PLB1: variants seen among roughly 807,000 people sequenced by gnomAD.
PLB1 encodes phospholipase B1, membrane-associated.
PLB1 carries 242 observed loss-of-function variants against 227.4 expected under a neutral mutation model. The observed-to-expected ratio is 1.06, with a 90% CI of 0.96 to 1.18. PLB1 has a LOEUF of 1.18. PLB1 is among the 50% of genes most tolerant of loss of function. The probability of loss-of-function intolerance (pLI) is 0.00; values close to 1 mark genes in which losing one functional copy is unlikely to be tolerated. For synonymous variants in PLB1, 757 were observed against 682.2 expected (o/e 1.11, Z -1.71); for missense variants, 1,858 against 1,816.3 (o/e 1.02, Z -0.42).
At chr2:28,590,175 C>A in intron 29 of PLB1, 99 bp downstream of exon 29, 2 of 1,051,740 alleles carry the variant, frequency 1.9e-6, no homozygotes, top group South Asian at 1.3e-5. Flanking sequence ...TGCCTGCCCA[C>A]CCACCCCATT....
intron 25 of PLB1, among the ~76,000 whole-genome samples, chr2:28,583,717 T>G (rs944858504): frequency 6.6e-6 from 1 of 152,054 alleles, no homozygotes; most frequent in Non-Finnish European, 1.5e-5. Flanking sequence ...GGCCGGATGC[T>G]CCAACAACAG....
chr2:28,560,954 T>C (rs1268884239), intron 17 of PLB1, among the ~76,000 whole-genome samples: 1 of 152,134 alleles, frequency 6.6e-6, no homozygotes, highest in Non-Finnish European at 1.5e-5. Flanking sequence ...ACCACATCCA[T>C]CCATCACGCT....
At position 28,601,394 on chromosome 2, in the gene PLB1, A is replaced by G. The variant is rs185662366; in HGVS notation, c.2607+62A>G. The G allele has an allele frequency of 3.2e-4, 457 of 1,413,882 alleles. 4 individuals carry two copies. In the East Asian group the frequency reaches 7.6e-3, roughly 23 times the overall value. The allele number at this position is 1,413,882 out of a possible 1,614,324, so 87.6% of individuals were successfully genotyped here. ...TAACTTTGCCCAGTAGGCGTTGGAG[A>G]TCTTCCCTGAGAACAGTTCCTAAAA... On this transcript the variant is annotated intron_variant, in intron 37 of 57. Coordinates refer to ENST00000327757, the MANE Select transcript of PLB1 (RefSeq NM_153021.5).
intron 32 of PLB1, 76 bp from the exon 33 acceptor site, chr2:28,593,605 G>A: frequency 7.8e-7 from 1 of 1,280,394 alleles, no homozygotes; most frequent in Admixed American, 1.8e-5. Context: ...CCCCCTCTTT[G>A]GAAGCCCTGT....
chr2:28,573,347 T>A (rs1367517004), intron 21 of PLB1, 42 bp downstream of exon 21: 2 of 1,463,030 alleles, frequency 1.4e-6, no homozygotes, highest in Non-Finnish European at 1.9e-6. Flanking sequence ...ACAGGTCCTC[T>A]GAGGACCAGG....
chr2:28,600,002 G>A (rs1683611825), intron 35 of PLB1, among the ~76,000 whole-genome samples: 1 of 152,092 alleles, frequency 6.6e-6, no homozygotes, highest in African/African-American at 2.4e-5. Flanking sequence ...TCACCTCCCA[G>A]GTTTAAGCAA....
At chr2:28,608,514 C>G (rs1684997958) in intron 43 of PLB1, among the ~76,000 whole-genome samples, 1 of 152,226 alleles carries the variant, frequency 6.6e-6, no homozygotes, top group African/African-American at 2.4e-5. Flanking sequence ...CTCATACGTT[C>G]TGTGTGCCAG....
intron 7 of PLB1, 124 bp from the exon 8 acceptor site, chr2:28,529,604 C>T: frequency 6.4e-6 from 7 of 1,092,790 alleles, no homozygotes; most frequent in Non-Finnish European, 9.4e-6. Context: ...AATGCCCACC[C>T]TTCAGAAGCC....
chr2:28,588,072 C>G (rs1355646451), intron 26 of PLB1, among the ~76,000 whole-genome samples: 1 of 150,818 alleles, frequency 6.6e-6, no homozygotes, highest in Non-Finnish European at 1.5e-5. Context: ...TCAGAATCAT[C>G]TCACGCCCTA....
chr2:28,615,731 G>A (rs571463605), intron 44 of PLB1, among the ~76,000 whole-genome samples: 1 of 152,266 alleles, frequency 6.6e-6, no homozygotes, highest in African/African-American at 2.4e-5. Context: ...ATGTAGAGTG[G>A]GCACTGCACT....
intron 16 of PLB1, among the ~76,000 whole-genome samples, chr2:28,550,368 G>A (rs1304078331): frequency 6.6e-6 from 1 of 151,332 alleles, no homozygotes; most frequent in African/African-American, 2.4e-5. Context: ...TGGAGACGGG[G>A]TTTCACCATG....
At chr2:28,594,923 A>T (rs1343105355) in intron 33 of PLB1, 1 of 152,160 alleles carries the variant, frequency 6.6e-6, no homozygotes, top group Non-Finnish European at 1.5e-5. Flanking sequence ...AGGAAAGAGC[A>T]TGAGGTTCTG....
rs1489691607 is a variant in PLB1, at chr2:28,605,942, C to A, written c.3051C>A (p.Thr1017=). Residue 1017 remains threonine (T), a synonymous_variant, in exon 42 of 58, where the codon ACC becomes ACA. Coordinates refer to ENST00000327757, the MANE Select transcript of PLB1 (RefSeq NM_153021.5). The stretch of plus-strand genomic sequence containing the variant: ...CCCAGCTGGCCAGAGCCCTTTGGAC[C>A]AATATGGTAAAATAAGTGGGGTGTT... ...FHSQLARALW[T]NMLEPLGSKT... is the part of the protein sequence containing the mutation. 6 of 1,606,200 alleles carry A rather than the reference C, an allele frequency of 3.7e-6. No homozygotes were observed. The highest frequency in any genetic ancestry group is 3.4e-6 in the Non-Finnish European group (4 of 1,172,844).
Position 28,573,220 on chromosome 2 carries a change from T to A in PLB1, c.1348T>A (p.Ser450Thr). 1.2e-6 allele frequency: 2 copies of A among 1,614,070 alleles called. No homozygotes were observed. Among genetic ancestry groups the A allele is most frequent in the Non-Finnish European group, 1.7e-6 (2 of 1,179,942 alleles). Reference sequence around the variant, plus strand: ...AGACATCCTCCGGGAATTCAACCCTTCCCTGAAGGGCTTCTCTGTTGGCAC... The same window carrying A: ...AGACATCCTCCGGGAATTCAACCCTACCCTGAAGGGCTTCTCTGTTGGCAC... ...LANILREFNP[S>T]LKGFSVGTGK... The change falls in exon 21 of 58, where the codon TCC (serine) becomes ACC (threonine). Residue 450 changes from serine (S) to threonine (T), a missense_variant. Ser to Thr is a moderately conservative substitution (Grantham distance 58). Transcript: ENST00000327757.
chr2:28,628,482 G>A, intron 51 of PLB1, 81 bp from the exon 52 acceptor site: 1 of 1,297,132 alleles, frequency 7.7e-7, no homozygotes, highest in Non-Finnish European at 1.1e-6. Context: ...TTTAGCCCAG[G>A]CCCCAGAGCC....
Position 28,497,823 on chromosome 2 carries a change from A to G in PLB1, c.55+1654A>G, listed in dbSNP as rs555063792. Among the ~76,000 whole-genome samples the G allele has an allele frequency of 4.1e-3, 626 of 152,022 alleles. 6 individuals carry two copies. Among genetic ancestry groups the G allele is most frequent in the Non-Finnish European group, 7.7e-3 (523 of 67,972 alleles). ...AACCTCTGCCCTCCAGGTTCAAGCA[A>G]TTCCCCTGCCTCAGCCTCCTGAGTA... On this transcript the variant is annotated intron_variant, in intron 1 of 57. Coordinates refer to ENST00000327757, the MANE Select transcript of PLB1 (RefSeq NM_153021.5).
intron 56 of PLB1, among the ~76,000 whole-genome samples, chr2:28,637,366 G>C (rs965378995): frequency 6.6e-6 from 1 of 151,642 alleles, no homozygotes; most frequent in Non-Finnish European, 1.5e-5. Flanking sequence ...TATCCCCAGA[G>C]AGTCTGACTT....
Position 28,626,481 on chromosome 2 carries a change from C to T in PLB1, c.3633C>T (p.Asn1211=), listed in dbSNP as rs201137092. The T allele has an allele frequency of 1.0e-4, 161 of 1,614,156 alleles. 1 individual carries two copies. Among genetic ancestry groups the T allele is most frequent in the Admixed American group, 3.3e-4 (20 of 60,026 alleles). The change falls in exon 51 of 58, where the codon AAC becomes AAT. Residue 1211 remains asparagine (N), a synonymous_variant. Coordinates refer to ENST00000327757, the MANE Select transcript of PLB1 (RefSeq NM_153021.5). ...TGGTCACACTCTTCATTGGGGTCAA[C>T]GACTTGTGTCATTACTGTGAGAATC... is the stretch of plus-strand genomic sequence containing the variant. ...WKLVTLFIGV[N]DLCHYCENPE...
At chr2:28,609,506 G>T (rs772159056) in intron 43 of PLB1, among the ~76,000 whole-genome samples, 1 of 152,156 alleles carries the variant, frequency 6.6e-6, no homozygotes, top group African/African-American at 2.4e-5. Flanking sequence ...AGAAAAAGCC[G>T]AAGTTTATCA....
Sources: allele counts gnomAD v4.1 joint callset (sites outside exome capture counted in the v4.1 genomes callset), GRCh38; gene constraint gnomAD v4.1.1; transcripts MANE v1.5; gene names NCBI Gene and HGNC (gene_info 2026-07-23, HGNC 2026-07-21).